Variants in NUF2 observed in about 807,000 individuals in gnomAD.
NUF2 encodes the protein kinetochore protein Nuf2.
Under a neutral mutation model 61.8 loss-of-function variants are expected in NUF2, and 34 were observed. The ratio of observed to expected loss-of-function variants is 0.55; its 90% CI spans 0.42 to 0.73. NUF2 has a LOEUF of 0.73. NUF2 is among the 30% of genes least tolerant of loss of function. The pLI, the probability that NUF2 is intolerant of heterozygous loss-of-function variation, is 0.00. For missense variants in NUF2, 445 were observed against 539.1 expected (o/e 0.83, Z 1.73); for synonymous variants, 172 against 181.6 (o/e 0.95, Z 0.42).
At chr1:163,352,826 A>C (rs1170289237) in intron 13 of NUF2, among the ~76,000 whole-genome samples, 1 of 152,022 alleles carries the variant, frequency 6.6e-6, no homozygotes, top group East Asian at 1.9e-4. Flanking sequence ...AGATTGCACC[A>C]CTGCACTCCA....
Position 163,355,479 on chromosome 1 carries a change from T to C in NUF2, c.*10T>C. On this transcript the variant is annotated 3_prime_UTR_variant, in exon 14 of 14. Coordinates refer to ENST00000271452, the MANE Select transcript of NUF2 (RefSeq NM_145697.3). Reference sequence around the variant, plus strand: ...CAAAATGTCAACCTGATTAACAAAATTACATGTCTTTTTGTAAATGGCTTG... The same window carrying C: ...CAAAATGTCAACCTGATTAACAAAACTACATGTCTTTTTGTAAATGGCTTG... 6.3e-7 allele frequency: 1 copy of C among 1,577,118 alleles called. No homozygotes were observed. Among genetic ancestry groups the C allele is most frequent in the Non-Finnish European group, 8.6e-7 (1 of 1,164,996 alleles).
intron 10 of NUF2, among the ~76,000 whole-genome samples, chr1:163,345,329 A>G (rs186583688): frequency 1.2e-4 from 19 of 152,290 alleles, no homozygotes; most frequent in Admixed American, 1.1e-3. Flanking sequence ...GAAGATTATA[A>G]ATGAGTAATA....
In NUF2 at chr1:163,327,561, TG is replaced by T; in HGVS notation, c.198+1del. On this transcript the variant is annotated frameshift_variant and splice_region_variant, in exon 3 of 14. Transcript: ENST00000271452. LOFTEE classifies it high-confidence loss of function. Reference protein sequence around the residue: ...VYGIRLEHFYMMPVNSEVMYP... With the variant: ...VYGIRLEHFYXMPVNSEVMYP... ...GGAATTCGACTGGAACATTTTTACA[TG>T]GTGAGTTTAAGATGAGGCAAAATTA... 6.2e-7 allele frequency: 1 copy of T among 1,600,872 alleles called. No homozygotes were observed. The highest frequency in any genetic ancestry group is 8.6e-7 in the Non-Finnish European group (1 of 1,168,162).
At chr1:163,325,883 C>A in intron 1 of NUF2, 149 bp from the exon 2 acceptor site, 2 of 488,692 alleles carry the variant, frequency 4.1e-6, no homozygotes, top group Non-Finnish European at 7.2e-6. Flanking sequence ...TATATAAATA[C>A]TTGTATTTAT....
At chr1:163,346,527 C>T (rs1158831987) in intron 11 of NUF2, among the ~76,000 whole-genome samples, 1 of 152,054 alleles carries the variant, frequency 6.6e-6, no homozygotes, top group East Asian at 1.9e-4. Context: ...GTGGTGTATA[C>T]AGCATGAATC....
At chr1:163,345,550 T>C (rs1651094044) in intron 10 of NUF2, 128 bp from the exon 11 acceptor site, 1 of 763,504 alleles carries the variant, frequency 1.3e-6, no homozygotes, top group African/African-American at 1.7e-5. Flanking sequence ...CCTAGAAATT[T>C]AATTGTTCCG....
chr1:163,345,263 G>A lies in NUF2; in HGVS notation c.808-415G>A, dbSNP rs77805972. 3.4e-3 allele frequency among the ~76,000 whole-genome samples: 523 copies of A among 152,210 alleles called. 11 individuals are homozygous for A. The highest frequency in any genetic ancestry group is 0.03 in the East Asian group (155 of 5,186). ...TGTTCATTTTGTAATTTTAGAAGAT[G>A]AGTTAATGTTTTTAAAAGAATTAGC... On this transcript the variant is annotated intron_variant, in intron 10 of 13. Coordinates refer to ENST00000271452, the MANE Select transcript of NUF2 (RefSeq NM_145697.3).
chr1:163,349,439 T>C (rs1313019319), intron 13 of NUF2, among the ~76,000 whole-genome samples: 1 of 152,188 alleles, frequency 6.6e-6, no homozygotes, highest in East Asian at 1.9e-4. Context: ...AAGTTTGATT[T>C]ATGTCTTCAA....
Position 163,343,779 on chromosome 1 carries a change from G to A in NUF2, c.716G>A (p.Ser239Asn). 1 of 1,449,110 alleles carries A rather than the reference G, an allele frequency of 6.9e-7. No individual in the cohort carries two copies. The highest frequency in any genetic ancestry group is 2.6e-5 in the East Asian group (1 of 38,510). 89.8% of individuals were successfully genotyped at this position (1,449,110 alleles called of 1,614,324 possible). Residue 239 changes from serine (S) to asparagine (N), a missense_variant, in exon 10 of 14, where the codon AGT (serine) becomes AAT (asparagine). Physicochemically the swap from Ser to Asn is conservative, Grantham distance 46. Coordinates refer to ENST00000271452, the MANE Select transcript of NUF2 (RefSeq NM_145697.3). Reference protein sequence around the residue: ...SVVSLKEIQESLKTKIVDSPE... With the variant: ...SVVSLKEIQENLKTKIVDSPE... Reference sequence around the variant, plus strand: ...GTTTCTTTGAAAGAAATACAAGAGAGTTTGAAAACAAAAATTGTGGATTCT... The same window carrying A: ...GTTTCTTTGAAAGAAATACAAGAGAATTTGAAAACAAAAATTGTGGATTCT...
At chr1:163,347,589 C>A (rs1651175027) in intron 11 of NUF2, among the ~76,000 whole-genome samples, 174 bp from the exon 12 acceptor site, 1 of 152,184 alleles carries the variant, frequency 6.6e-6, no homozygotes, top group Non-Finnish European at 1.5e-5. Flanking sequence ...CTGATGCCTC[C>A]TTGTTGTCTC....
intron 3 of NUF2, 79 bp from the exon 4 acceptor site, chr1:163,328,149 T>C (rs955929066): frequency 1.4e-5 from 12 of 840,182 alleles, no homozygotes; most frequent in Non-Finnish European, 1.9e-5. Flanking sequence ...TGAGTTAATA[T>C]ATTTTGATCT....
At chr1:163,328,720 T>G (rs1288150809) in intron 4 of NUF2, 126 bp from the exon 5 acceptor site, 1 of 632,706 alleles carries the variant, frequency 1.6e-6, no homozygotes, top group African/African-American at 1.8e-5. Flanking sequence ...GAATTCTGGC[T>G]TCGTCCACTG....
intron 9 of NUF2, among the ~76,000 whole-genome samples, chr1:163,341,443 C>T (rs1303115842): frequency 1.3e-5 from 2 of 152,078 alleles, no homozygotes; most frequent in African/African-American, 2.4e-5. Flanking sequence ...CTCTTCACCT[C>T]GTGATCCACC....
chr1:163,346,033 A>C, intron 11 of NUF2: 1 of 377,240 alleles, frequency 2.7e-6, no homozygotes, highest in South Asian at 4.8e-5. Flanking sequence ...GAAATTAATA[A>C]TAACTAACCC....
At chr1:163,344,911 T>C (rs1651070316) in intron 10 of NUF2, among the ~76,000 whole-genome samples, 1 of 152,132 alleles carries the variant, frequency 6.6e-6, no homozygotes, top group African/African-American at 2.4e-5. Flanking sequence ...GTCTACACTT[T>C]GCTCTTTTAC....
At position 163,355,551 on chromosome 1, in the gene NUF2, A is replaced by G; in HGVS notation, c.*82A>G. 1 of 1,196,408 alleles carries G rather than the reference A, an allele frequency of 8.4e-7. No individual in the cohort carries two copies. Among genetic ancestry groups the G allele is most frequent in the Non-Finnish European group, 1.2e-6 (1 of 856,308 alleles). The allele number at this position is 1,196,408 out of a possible 1,614,324, so 74.1% of individuals were successfully genotyped here. A position where few individuals can be genotyped will look rare whatever the true frequency, so the allele number is the denominator to read the frequency against. On this transcript the variant is annotated 3_prime_UTR_variant, in exon 14 of 14. Coordinates refer to ENST00000271452, the MANE Select transcript of NUF2 (RefSeq NM_145697.3). Reference sequence around the variant, plus strand: ...AGAAAGAAAAGTTGAAGCGAATGGAAGTATCAGAAGTACCAAATAATGTTG... The same window carrying G: ...AGAAAGAAAAGTTGAAGCGAATGGAGGTATCAGAAGTACCAAATAATGTTG...
intron 5 of NUF2, among the ~76,000 whole-genome samples, chr1:163,329,165 G>A (rs1159394910): frequency 6.6e-6 from 1 of 151,736 alleles, no homozygotes; most frequent in Admixed American, 6.6e-5. Flanking sequence ...ATAAATTTGG[G>A]AATATGACTA....
chr1:163,327,795 A>T, intron 3 of NUF2: 1 of 479,964 alleles, frequency 2.1e-6, no homozygotes, highest in Non-Finnish European at 3.7e-6. Context: ...AAAGACTTAA[A>T]TGACACAGAT....
chr1:163,325,926 C>T, intron 1 of NUF2, 106 bp from the exon 2 acceptor site: 1 of 750,764 alleles, frequency 1.3e-6, no homozygotes, highest in South Asian at 1.8e-5. Flanking sequence ...GTTAACACTA[C>T]TATGAATAGT....
Sources: allele counts gnomAD v4.1 joint callset (sites outside exome capture counted in the v4.1 genomes callset), GRCh38; gene constraint gnomAD v4.1.1; transcripts MANE v1.5; gene names NCBI Gene and HGNC (gene_info 2026-07-23, HGNC 2026-07-21).